The following TSPAN19 variants were observed in gnomAD, a reference collection of about 807,000 sequenced individuals.
The protein encoded by TSPAN19 is tetraspanin 19.
In TSPAN19, 44 loss-of-function variants were observed where a neutral mutation model predicts 35.1. The ratio of observed to expected loss-of-function variants is 1.25; its 90% confidence interval spans 0.98 to 1.61. The LOEUF (loss-of-function observed/expected upper bound fraction) is 1.61. Ranked by LOEUF, TSPAN19 falls within the 40% of genes most tolerant of loss-of-function variation. The pLI is 0.00. For missense variants in TSPAN19, 290 were observed against 280.0 expected, an observed-to-expected ratio of 1.04 and a Z score of -0.26; for synonymous variants, 79 against 92.0, an observed-to-expected ratio of 0.86 and a Z score of 0.81.
intron 4 of TSPAN19, among the ~76,000 whole-genome samples, chr12:85,024,142 T>A (rs914197951): frequency 4.6e-5 from 7 of 152,140 alleles, no homozygotes; most frequent in African/African-American, 1.7e-4. Context: ...ATAAACTACT[T>A]AGAAACAGAG....
In TSPAN19 at chr12:85,014,411, G is replaced by C. The variant is rs541944555; in HGVS notation, c.*76C>G. 1.9e-6 allele frequency: 2 copies of C among 1,065,476 alleles called. No individual in the cohort carries two copies. The highest frequency in any genetic ancestry group is 3.3e-5 in the African/African-American group (2 of 60,412). The allele number at this position is 1,065,476 out of a possible 1,614,324, so 66.0% of individuals were successfully genotyped here. A position where few individuals can be genotyped will look rare whatever the true frequency, so the allele number is the denominator to read the frequency against. ...TCTGTTATTTAATACAATTCAAAAC[G>C]TTTTTGGAATAAAATAATATAATGT... On this transcript the variant is annotated 3_prime_UTR_variant, in exon 9 of 9. Coordinates refer to ENST00000532498, the MANE Select transcript of TSPAN19 (RefSeq NM_001100917.2).
At chr12:85,030,963 A>G (rs1877657355) in intron 1 of TSPAN19, among the ~76,000 whole-genome samples, 1 of 152,168 alleles carries the variant, frequency 6.6e-6, no homozygotes, top group Admixed American at 6.6e-5. Flanking sequence ...TGATAGAAGC[A>G]GATTTAATAA....
chr12:85,017,420 C>G, intron 7 of TSPAN19, 36 bp downstream of exon 7: 1 of 1,564,582 alleles, frequency 6.4e-7, no homozygotes, highest in Non-Finnish European at 8.7e-7. Context: ...AAACAAAATA[C>G]TATAAATACT....
chr12:85,015,629 T>G (rs184408514), intron 8 of TSPAN19: 1 of 260,956 alleles, frequency 3.8e-6, no homozygotes, highest in Non-Finnish European at 7.1e-6. Flanking sequence ...TAGATATATA[T>G]AGAAAGAAAG....
intron 5 of TSPAN19, among the ~76,000 whole-genome samples, chr12:85,020,191 G>A (rs927343274): frequency 6.6e-6 from 1 of 151,390 alleles, no homozygotes; most frequent in East Asian, 2.0e-4. Context: ...AACTTTAGAA[G>A]TTGTAGAAAA....
Position 85,027,969 on chromosome 12 carries a change from G to A in TSPAN19, c.194C>T (p.Ser65Phe). ...CAATAGACAAAAAAGAACAGTAGAA[G>A]ATCCCATTCCAATCAAAATTTGAGA... The part of the protein sequence containing the change: ...PISQILIGMG[S>F]STVLFCLLGY... The change falls in exon 4 of 9, where the codon TCT becomes TTT. Residue 65 changes from serine to phenylalanine, a missense_variant. Transcript: ENST00000532498. The A allele has an allele frequency of 6.2e-7, 1 of 1,600,806 alleles. No individual in the cohort carries two copies. The highest frequency in any genetic ancestry group is 8.5e-7 in the Non-Finnish European group (1 of 1,172,600).
At chr12:85,023,280 A>C in intron 5 of TSPAN19, 46 bp downstream of exon 5, 1 of 1,493,476 alleles carries the variant, frequency 6.7e-7, no homozygotes, top group Non-Finnish European at 9.1e-7. Context: ...AATTTCCTTT[A>C]AACTTCAAAT....
intron 4 of TSPAN19, among the ~76,000 whole-genome samples, chr12:85,025,417 G>A (rs1877352997): frequency 1.3e-5 from 2 of 152,246 alleles, no homozygotes; most frequent in Admixed American, 1.3e-4. Flanking sequence ...TGGGATTACA[G>A]GCGTGAGCCA....
chr12:85,021,973 T>C (rs937032909), intron 5 of TSPAN19, among the ~76,000 whole-genome samples: 1 of 152,140 alleles, frequency 6.6e-6, no homozygotes, highest in Non-Finnish European at 1.5e-5. Context: ...ACATGGTAGT[T>C]ATTAATCAGT....
chr12:85,021,879 T>C (rs1010886000), intron 5 of TSPAN19, among the ~76,000 whole-genome samples: 3 of 152,134 alleles, frequency 2.0e-5, no homozygotes, highest in South Asian at 2.1e-4. Flanking sequence ...TTCTCTTCTA[T>C]AAAGTAGGAC....
rs79656740 is a variant in TSPAN19 at position 85,035,457 on chromosome 12, T to A, written c.-28+747A>T. Among the ~76,000 whole-genome samples, 4 of 152,302 alleles carry A rather than the reference T, an allele frequency of 2.6e-5. No homozygotes were observed. In the East Asian group the frequency reaches 7.7e-4, roughly 29 times the overall value. On this transcript the variant is annotated intron_variant, in intron 1 of 8. Coordinates refer to ENST00000532498, the MANE Select transcript of TSPAN19 (RefSeq NM_001100917.2). ...AGGAAACTAACATGTGTGCTTTTAATATGAGAAATCTATTAACGTCTCACT... is the reference window on the plus strand; with the variant it reads ...AGGAAACTAACATGTGTGCTTTTAAAATGAGAAATCTATTAACGTCTCACT...
intron 8 of TSPAN19, chr12:85,015,159 T>C (rs562346126): frequency 3.3e-5 from 5 of 152,086 alleles, no homozygotes; most frequent in African/African-American, 1.2e-4. Context: ...CAAAGTCAAA[T>C]GCAGTATGTA....
At chr12:85,019,523 C>T in intron 6 of TSPAN19, 103 bp downstream of exon 6, 3 of 675,106 alleles carry the variant, frequency 4.4e-6, no homozygotes, top group South Asian at 1.9e-5. Flanking sequence ...AGAAATACAA[C>T]AAACTTTCAT....
At chr12:85,018,987 C>T (rs1219469680) in intron 6 of TSPAN19, among the ~76,000 whole-genome samples, 1 of 151,622 alleles carries the variant, frequency 6.6e-6, no homozygotes, top group African/African-American at 2.4e-5. Context: ...ACCATTTAGC[C>T]GACAATACCC....
intron 1 of TSPAN19, among the ~76,000 whole-genome samples, chr12:85,033,822 A>G (rs1283912415): frequency 6.6e-6 from 1 of 152,164 alleles, no homozygotes; most frequent in Non-Finnish European, 1.5e-5. Context: ...GTAATAGTAC[A>G]TGCCTCAAAG....
chr12:85,032,788 C>T (rs968026400), intron 1 of TSPAN19, among the ~76,000 whole-genome samples: 3 of 152,076 alleles, frequency 2.0e-5, no homozygotes, highest in Non-Finnish European at 2.9e-5. Context: ...TCTATATTTT[C>T]TTTTGCTATA....
At chr12:85,017,959 G>A (rs886142318) in intron 6 of TSPAN19, among the ~76,000 whole-genome samples, 1 of 151,824 alleles carries the variant, frequency 6.6e-6, no homozygotes, top group Non-Finnish European at 1.5e-5. Context: ...AACTGTAGCA[G>A]TTCTCTTTGT....
At chr12:85,030,153 C>A (rs1469343898) in intron 1 of TSPAN19, among the ~76,000 whole-genome samples, 180 bp from the exon 2 acceptor site, 2 of 151,956 alleles carry the variant, frequency 1.3e-5, no homozygotes, top group Non-Finnish European at 2.9e-5. Context: ...CCTGCATTTT[C>A]TTTTTACTAG....
chr12:85,029,683 T>C, intron 3 of TSPAN19, 36 bp downstream of exon 3: 1 of 1,436,724 alleles, frequency 7.0e-7, no homozygotes, highest in Non-Finnish European at 9.3e-7. Context: ...ATTGAATGTC[T>C]ATTTCACTGA....
Sources: allele counts gnomAD v4.1 joint callset (sites outside exome capture counted in the v4.1 genomes callset), GRCh38; gene constraint gnomAD v4.1.1; transcripts MANE v1.5; gene names NCBI Gene and HGNC (gene_info 2026-07-23, HGNC 2026-07-21).